ZP3: variants seen among roughly 807,000 people sequenced by gnomAD.
ZP3 encodes zona pellucida glycoprotein 3, also known as zona pellucida sperm-binding protein 3.
Under a neutral mutation model 35.6 loss-of-function variants are expected in ZP3, and 21 were observed. The observed-to-expected ratio is 0.59, with a 90% CI of 0.42 to 0.85. The LOEUF (loss-of-function observed/expected upper bound fraction) is 0.85. ZP3 is among the 40% of genes least tolerant of loss of function. The probability of loss-of-function intolerance (pLI) is 0.00; values close to 1 mark genes in which losing one functional copy is unlikely to be tolerated. For synonymous variants in ZP3, 207 were observed against 214.5 expected, an observed-to-expected ratio of 0.96 and a Z score of 0.31; for missense variants, 437 against 536.5, an observed-to-expected ratio of 0.81 and a Z score of 1.83.
intron 1 of ZP3, among the ~76,000 whole-genome samples, chr7:76,414,002 T>C (rs1387260961): frequency 1.1e-4 from 16 of 148,956 alleles, no homozygotes; most frequent in African/African-American, 1.7e-4. Context: ...CTTCTTCTTT[T>C]TTTTTTTTTT....
At chr7:76,411,576 A>AAAAAAAGAAC (rs573427145) in intron 1 of ZP3, among the ~76,000 whole-genome samples, 46 of 152,222 alleles carry the variant, frequency 3.0e-4, no homozygotes, top group Admixed American at 5.2e-4. Flanking sequence ...TTTAGGGGAA[A>AAAAAAAGAAC]AAAAAAGAAC....
upstream of ZP3, among the ~76,000 whole-genome samples, chr7:76,423,036 A>G (rs1368003819): frequency 1.6e-5 from 2 of 126,090 alleles, no homozygotes; most frequent in African/African-American, 6.0e-5. Flanking sequence ...AGAAAGAAAG[A>G]AAGAAAGAAA....
chr7:76,435,523 A>G (rs1805967249), intron 5 of ZP3, among the ~76,000 whole-genome samples: 1 of 152,244 alleles, frequency 6.6e-6, no homozygotes, highest in Admixed American at 6.5e-5. Flanking sequence ...GGTGGTTAGG[A>G]AGTGATTAAA....
chr7:76,397,565 C>T, exon 1 of ZP3: 1 of 1,605,700 alleles, frequency 6.2e-7, no homozygotes. Flanking sequence ...GTTGTGCACA[C>T]CCCAGCCCAG....
intron 5 of ZP3, among the ~76,000 whole-genome samples, chr7:76,437,284 C>T (rs1470961318): frequency 2.0e-5 from 3 of 149,954 alleles, no homozygotes; most frequent in Non-Finnish European, 2.9e-5. Context: ...AAGCCATTCT[C>T]CTGCCTCAGC....
At chr7:76,412,962 C>CTTTTTTTTTTTTTTTTTTTTTTTTT (rs201143080) in intron 1 of ZP3, among the ~76,000 whole-genome samples, 1 of 113,760 alleles carries the variant, frequency 8.8e-6, no homozygotes, top group African/African-American at 3.7e-5. Flanking sequence ...TCTTCTTCTT[C>CTTTTTTTTTTTTTTTTTTTTTTTTT]TTCTTTTTTT....
intron 1 of ZP3, among the ~76,000 whole-genome samples, chr7:76,417,744 TG>T (rs1805410171): frequency 1.3e-5 from 2 of 151,790 alleles, no homozygotes; most frequent in African/African-American, 2.4e-5. Flanking sequence ...CCCTAGTAGC[TG>T]GGACTACAGG....
At chr7:76,425,634 C>T (rs927163581) in intron 1 of ZP3, among the ~76,000 whole-genome samples, 6 of 152,164 alleles carry the variant, frequency 3.9e-5, no homozygotes, top group African/African-American at 1.2e-4. Flanking sequence ...GCATTAGGAA[C>T]TCATCCTGAA....
intron 1 of ZP3, among the ~76,000 whole-genome samples, chr7:76,427,971 G>A (rs538064492): frequency 1.3e-4 from 20 of 152,050 alleles, no homozygotes; most frequent in East Asian, 3.9e-4. Context: ...ACTGCACCCA[G>A]CCCTCAAGTA....
chr7:76,441,171 CA>C (rs568113718), intron 7 of ZP3, among the ~76,000 whole-genome samples: 63 of 147,992 alleles, frequency 4.3e-4, no homozygotes, highest in African/African-American at 1.2e-3. Context: ...AACTGTCTCT[CA>C]AAAAAAAAAT....
At position 76,410,950 on chromosome 7, in the gene ZP3, G is replaced by A. The variant is rs201964155; in HGVS notation, c.-67+13153G>A. Among the ~76,000 whole-genome samples, 106 of 142,708 alleles carry A rather than the reference G, an allele frequency of 7.4e-4. No homozygotes were observed. The East Asian group carries it at 0.021, about 28-fold the overall frequency. 93.6% of individuals were successfully genotyped at this position (142,708 alleles called of 152,430 possible). A position where few individuals can be genotyped will look rare whatever the true frequency, so the allele number is the denominator to read the frequency against. ...GTGGAGGTTGCAGTGAGCTGAGATC[G>A]CACCACTGCACTCCAGCCTGGGCAA... is the stretch of plus-strand genomic sequence containing the variant. On this transcript the variant is annotated intron_variant, in intron 1 of 8. Transcript: ENST00000336517.
chr7:76,424,134 C>T (rs1232590016), upstream of ZP3, among the ~76,000 whole-genome samples: 1 of 152,140 alleles, frequency 6.6e-6, no homozygotes, highest in African/African-American at 2.4e-5. Flanking sequence ...GATCTAATCC[C>T]CCTGACTCTT....
chr7:76,407,813 A>T (rs1361163056), intron 1 of ZP3, among the ~76,000 whole-genome samples: 1 of 152,194 alleles, frequency 6.6e-6, no homozygotes, highest in Non-Finnish European at 1.5e-5. Context: ...AGTGTCCCAG[A>T]AGCCTCTCTC....
upstream of ZP3, among the ~76,000 whole-genome samples, chr7:76,423,050 AG>A (rs1339136541): frequency 6.8e-6 from 1 of 146,306 alleles, no homozygotes; most frequent in Admixed American, 7.0e-5. Flanking sequence ...AAAGAAAGAA[AG>A]AAAGAAAGAA....
At chr7:76,418,959 G>A (rs530094574) in intron 1 of ZP3, among the ~76,000 whole-genome samples, 121 of 152,262 alleles carry the variant, frequency 7.9e-4, no homozygotes, top group Non-Finnish European at 1.4e-3. Context: ...CAAACAGAAA[G>A]TATCAGAGAG....
chr7:76,401,052 G>T (rs1462071114), intron 1 of ZP3: 1 of 1,544,120 alleles, frequency 6.5e-7, no homozygotes, highest in South Asian at 1.2e-5. Flanking sequence ...GGCTGAAACA[G>T]AGTGAGGAAG....
At chr7:76,414,125 T>C (rs111256635) in intron 1 of ZP3, among the ~76,000 whole-genome samples, 5,368 of 151,580 alleles carry the variant, frequency 0.035, 274 homozygotes, top group African/African-American at 0.12. Flanking sequence ...GCCTCCCAAG[T>C]AGCTGGGATT....
Position 76,433,643 on chromosome 7 carries a change from C to G in ZP3, c.709C>G (p.His237Asp). Residue 237 changes from histidine (H) to aspartate (D), a missense_variant, in exon 4 of 8, where the codon CAT becomes GAT. Physicochemically the swap from His to Asp is moderately conservative, Grantham distance 81. Around this residue, in one of 6 missense-constraint regions of ZP3, gnomAD observed 352 missense variants for 308.4 expected, o/e 1.14. Transcript: ENST00000394857. ...CCCTTATCACACCATCGTGGACTTCCATGGGTGAGCACTGGGCTCCCTGCC... is the reference window on the plus strand; with the variant it reads ...CCCTTATCACACCATCGTGGACTTCGATGGGTGAGCACTGGGCTCCCTGCC... Reference protein sequence around the residue: ...ASPYHTIVDFHGCLVDGLTDA... With the variant: ...ASPYHTIVDFDGCLVDGLTDA... 6.2e-7 allele frequency: 1 copy of G among 1,603,856 alleles called. No individual in the cohort carries two copies. Among genetic ancestry groups the G allele is most frequent in the South Asian group, 1.1e-5 (1 of 90,094 alleles).
intron 1 of ZP3, among the ~76,000 whole-genome samples, chr7:76,428,320 C>CAAAAAAACA (rs1805730938): frequency 1.3e-5 from 2 of 151,702 alleles, no homozygotes; most frequent in Non-Finnish European, 2.9e-5. Flanking sequence ...GACTGCATCT[C>CAAAAAAACA]AAAAAAACAA....
Sources: allele counts gnomAD v4.1 joint callset (sites outside exome capture counted in the v4.1 genomes callset), GRCh38; gene constraint gnomAD v4.1.1; regional missense constraint gnomAD v4.1.1; transcripts MANE v1.5; gene names NCBI Gene and HGNC (gene_info 2026-07-23, HGNC 2026-07-21).